The following CFAP20DC variants were observed in gnomAD, a reference collection of about 807,000 sequenced individuals.
CFAP20DC encodes the protein CFAP20 domain containing.
In CFAP20DC, 84 loss-of-function variants were observed where a neutral mutation model predicts 101.7. That is an observed-to-expected ratio of 0.83 (90% CI 0.69 to 0.99). The LOEUF is 0.99. Ranked by LOEUF, CFAP20DC falls within the 50% of genes least tolerant of loss-of-function variation. The pLI is 0.00. For synonymous variants in CFAP20DC, 359 were observed against 351.2 expected (o/e 1.02, Z -0.25); for missense variants, 1,007 against 970.3 (o/e 1.04, Z -0.50).
downstream of CFAP20DC, among the ~76,000 whole-genome samples, chr3:58,739,079 AAATAT>A (rs1208175563): frequency 2.0e-5 from 3 of 151,772 alleles, no homozygotes; most frequent in Non-Finnish European, 4.4e-5. Context: ...AAAATCAAGA[AAATAT>A]AATAGGGCAA....
chr3:58,900,109 G>A (rs1449444091), intron 6 of CFAP20DC, among the ~76,000 whole-genome samples: 1 of 152,214 alleles, frequency 6.6e-6, no homozygotes, highest in Non-Finnish European at 1.5e-5. Flanking sequence ...CTGATAAAAT[G>A]GGTGGGAGTG....
intron 5 of CFAP20DC, among the ~76,000 whole-genome samples, chr3:58,925,377 G>A (rs2085840253): frequency 6.6e-6 from 1 of 152,068 alleles, no homozygotes; most frequent in Non-Finnish European, 1.5e-5. Context: ...GTTTACCATA[G>A]CCCGTTATCA....
chr3:58,739,322 TC>T (rs1328413273), downstream of CFAP20DC, among the ~76,000 whole-genome samples: 1 of 152,178 alleles, frequency 6.6e-6, no homozygotes, highest in East Asian at 1.9e-4. Context: ...GTAAGTTGCA[TC>T]CCGATTATAT....
At chr3:58,719,403 G>C (rs2067439377) in intron 3 of CFAP20DC, among the ~76,000 whole-genome samples, 1 of 152,210 alleles carries the variant, frequency 6.6e-6, no homozygotes, top group East Asian at 1.9e-4. Context: ...TTGCACACCA[G>C]CTTCAGTGAC....
chr3:58,819,472 C>A (rs2075451500), intron 14 of CFAP20DC, among the ~76,000 whole-genome samples: 1 of 149,622 alleles, frequency 6.7e-6, no homozygotes, highest in Admixed American at 6.6e-5. Flanking sequence ...CACCACCGAT[C>A]CCACAGAAAT....
At chr3:58,761,169 C>A (rs1169034115) in intron 15 of CFAP20DC, among the ~76,000 whole-genome samples, 1 of 152,128 alleles carries the variant, frequency 6.6e-6, no homozygotes, top group Non-Finnish European at 1.5e-5. Context: ...TGGTTCTGGA[C>A]TTTTTTTGGT....
Position 59,007,165 on chromosome 3 carries a change from C to T in CFAP20DC, c.278+32392G>A, listed in dbSNP as rs2093455882. Among the ~76,000 whole-genome samples the T allele has an allele frequency of 6.6e-6, 1 of 152,136 alleles. No individual in the cohort carries two copies. Among genetic ancestry groups the T allele is most frequent in the African/African-American group, 2.4e-5 (1 of 41,404 alleles). On this transcript the variant is annotated intron_variant, in intron 4 of 16. Coordinates refer to ENST00000482387, the MANE Select transcript of CFAP20DC (RefSeq NM_001394063.1). This position sits in a 1 kb window ranked among gnomAD's most constrained non-coding sequence, Gnocchi z 4.4. The stretch of plus-strand genomic sequence containing the variant: ...ATTGGCCTGAGAACCACCCCCAACT[C>T]CCCAACAGTGGCTGTGGCAAGCCCC...
chr3:58,849,541 A>C (rs1243963986), intron 12 of CFAP20DC, 132 bp from the exon 13 acceptor site: 4 of 683,486 alleles, frequency 5.9e-6, no homozygotes, highest in East Asian at 2.9e-5. Context: ...ATTTTACTTT[A>C]ATCTGCAAAG....
At chr3:59,049,238 A>G (rs1267924731) in intron 1 of CFAP20DC, among the ~76,000 whole-genome samples, 1 of 152,238 alleles carries the variant, frequency 6.6e-6, no homozygotes, top group African/African-American at 2.4e-5. Context: ...CTTCTGAGAT[A>G]CCAGTGTTGC....
intron 13 of CFAP20DC, among the ~76,000 whole-genome samples, chr3:58,837,459 A>G (rs1044720489): frequency 2.6e-5 from 4 of 152,188 alleles, no homozygotes; most frequent in Admixed American, 6.5e-5. Context: ...GTGAGGAACG[A>G]ATAGTGACAG....
At chr3:59,029,499 G>A (rs1482380712) in intron 4 of CFAP20DC, among the ~76,000 whole-genome samples, 1 of 152,084 alleles carries the variant, frequency 6.6e-6, no homozygotes, top group East Asian at 1.9e-4. Flanking sequence ...AGAAACCACT[G>A]TGCACAGGAC....
chr3:58,720,079 C>T (rs148655281), intron 3 of CFAP20DC, among the ~76,000 whole-genome samples: 80 of 152,348 alleles, frequency 5.3e-4, no homozygotes, highest in African/African-American at 1.9e-3. Context: ...CAAGGCCACC[C>T]TCCCTGTGAG....
chr3:59,013,953 G>A (rs1277452063), intron 4 of CFAP20DC, among the ~76,000 whole-genome samples: 1 of 152,118 alleles, frequency 6.6e-6, no homozygotes, highest in Non-Finnish European at 1.5e-5. Context: ...TTTGCCAACA[G>A]GATGAATTCA....
rs116502450 is a variant in CFAP20DC, at chr3:58,964,408, C to G, written c.279-26646G>C. ...TATGTTTCCTTATCACTCATGCACA[C>G]AACCCTTTTCATGAATATTCATAGC... On this transcript the variant is annotated intron_variant, in intron 4 of 16. Coordinates refer to ENST00000482387, the MANE Select transcript of CFAP20DC (RefSeq NM_001394063.1). The surrounding 1 kb of genome is among the most constrained non-coding windows in gnomAD (Gnocchi z 4.1). Among the ~76,000 whole-genome samples the G allele has an allele frequency of 5.6e-3, 850 of 152,298 alleles. 5 individuals are homozygous for G. The highest frequency in any genetic ancestry group is 0.019 in the African/African-American group (794 of 41,566).
At chr3:58,787,316 A>G (rs943408491) in intron 15 of CFAP20DC, among the ~76,000 whole-genome samples, 3 of 120,948 alleles carry the variant, frequency 2.5e-5, no homozygotes, top group African/African-American at 9.7e-5. Context: ...AGGAAGGGGA[A>G]CATCACACTC....
At chr3:58,935,926 A>T (rs1434981740) in intron 5 of CFAP20DC, among the ~76,000 whole-genome samples, 4 of 151,928 alleles carry the variant, frequency 2.6e-5, no homozygotes, top group Non-Finnish European at 5.9e-5. Context: ...GACAAATTGG[A>T]TCTAATTAAA....
chr3:59,047,447 T>C (rs1236621678), intron 1 of CFAP20DC, among the ~76,000 whole-genome samples, 193 bp from the exon 2 acceptor site: 1 of 152,174 alleles, frequency 6.6e-6, no homozygotes, highest in East Asian at 1.9e-4. Context: ...TCACCTTGGA[T>C]TAATGGTTTA....
At chr3:58,881,042 T>A (rs2081191724) in intron 7 of CFAP20DC, among the ~76,000 whole-genome samples, 1 of 152,306 alleles carries the variant, frequency 6.6e-6, no homozygotes, top group East Asian at 1.9e-4. Flanking sequence ...TTTTTAAAAA[T>A]TTGAATCTTA....
intron 6 of CFAP20DC, among the ~76,000 whole-genome samples, chr3:58,889,194 G>A (rs1427518109): frequency 1.3e-5 from 2 of 152,052 alleles, no homozygotes; most frequent in Non-Finnish European, 2.9e-5. Flanking sequence ...CATTTCAAGG[G>A]CCGACTAGAC....
Sources: allele counts gnomAD v4.1 joint callset (sites outside exome capture counted in the v4.1 genomes callset), GRCh38; gene constraint gnomAD v4.1.1; non-coding constraint Gnocchi (gnomAD v3.1); transcripts MANE v1.5; gene names NCBI Gene and HGNC (gene_info 2026-07-23, HGNC 2026-07-21).